Variants in DCDC1 observed in about 807,000 individuals in gnomAD.
DCDC1 encodes doublecortin domain-containing protein 1.
Under a neutral mutation model 178.3 loss-of-function variants are expected in DCDC1, and 200 were observed. The observed-to-expected ratio is 1.12, with a 90% CI of 1.00 to 1.26. DCDC1 has a LOEUF of 1.26. DCDC1 is among the 50% of genes most tolerant of loss of function. The pLI, the probability that DCDC1 is intolerant of heterozygous loss-of-function variation, is 0.00. For missense variants in DCDC1, 1,983 were observed against 1,749.2 expected, an observed-to-expected ratio of 1.13 and a Z score of -2.38; for synonymous variants, 690 against 604.8, an observed-to-expected ratio of 1.14 and a Z score of -2.07.
At chr11:31,123,806 C>G (rs1295323308) in intron 11 of DCDC1, among the ~76,000 whole-genome samples, 1 of 151,946 alleles carries the variant, frequency 6.6e-6, no homozygotes, top group Non-Finnish European at 1.5e-5. Flanking sequence ...CCAGGGTGAC[C>G]AACCATCTTG....
intron 20 of DCDC1, among the ~76,000 whole-genome samples, chr11:31,011,737 C>T (rs182631878): frequency 6.6e-5 from 10 of 152,298 alleles, no homozygotes; most frequent in African/African-American, 2.2e-4. Flanking sequence ...GAAACTCTTA[C>T]ACTCACACAC....
chr11:31,352,280 G>A (rs1055176918), intron 1 of DCDC1, among the ~76,000 whole-genome samples: 2 of 152,034 alleles, frequency 1.3e-5, no homozygotes, highest in Non-Finnish European at 2.9e-5. Context: ...AAAACAATGA[G>A]AAACATCCTT....
In DCDC1 at chr11:31,267,193, AT is replaced by A. The variant is rs397848314; in HGVS notation, c.961-1594del. Among the ~76,000 whole-genome samples the A allele has an allele frequency of 7.3e-3, 1,076 of 147,424 alleles. 12 individuals are homozygous for A. The highest frequency in any genetic ancestry group is 0.023 in the African/African-American group (905 of 40,102). ...CATTATTAGGAATAATGTTATAGGA[AT>A]TTTTTTTTTTTTTGAGATGTAGTGT... On this transcript the variant is annotated intron_variant, in intron 7 of 38. Transcript: ENST00000684477.
chr11:30,894,908 C>G (rs932590790), intron 34 of DCDC1, among the ~76,000 whole-genome samples: 3 of 152,002 alleles, frequency 2.0e-5, no homozygotes, highest in African/African-American at 2.4e-5. Context: ...TCTGCTGTGC[C>G]CTTTATGCTG....
chr11:30,951,550 A>C (rs1022525660), intron 21 of DCDC1, among the ~76,000 whole-genome samples: 1 of 152,130 alleles, frequency 6.6e-6, no homozygotes, highest in Non-Finnish European at 1.5e-5. Context: ...TATTGACTAC[A>C]CACAATGTGA....
Position 31,094,124 on chromosome 11 carries a change from T to G in DCDC1, c.2044A>C (p.Ser682Arg). The G allele has an allele frequency of 1.3e-6, 1 of 766,240 alleles. No homozygotes were observed. Among genetic ancestry groups the G allele is most frequent in the Non-Finnish European group, 2.4e-6 (1 of 417,806 alleles). 47.5% of individuals were successfully genotyped at this position (766,240 alleles called of 1,614,324 possible). The stretch of plus-strand genomic sequence containing the variant: ...ATTTGACTCCTGCTGCTTGCTTCAC[T>G]GCCTGAGAAACTCCACTTTCCAATG... ...VSIGKWSFSG[S>R]EASSRSQIAP... The change falls in exon 16 of 39, where the codon AGT becomes CGT. Residue 682 changes from serine (S) to arginine (R), a missense_variant. Transcript: ENST00000684477.
chr11:31,245,126 G>C (rs1388461726), intron 8 of DCDC1, among the ~76,000 whole-genome samples: 1 of 151,042 alleles, frequency 6.6e-6, no homozygotes, highest in Non-Finnish European at 1.5e-5. Context: ...TACCACCTCT[G>C]GCAAAATATC....
rs550364554 is a variant in DCDC1 at position 31,290,721 on chromosome 11, G to T, written c.886C>A (p.Arg296=). 1 of 1,613,298 alleles carries T rather than the reference G, an allele frequency of 6.2e-7. No homozygotes were observed. The highest frequency in any genetic ancestry group is 8.5e-7 in the Non-Finnish European group (1 of 1,179,536). ...ATGCCATTCTTAAAGAACAGAATTC[G>T]GACTGAGGTCCTCTCAGTAAGTTTC... ...MKKLTERTSV[R]ILFFKNGMGQ... Residue 296 remains arginine, a synonymous_variant, in exon 7 of 39, where the codon CGA becomes AGA. Transcript: ENST00000684477.
At chr11:30,890,243 T>C (rs998769949) in intron 36 of DCDC1, among the ~76,000 whole-genome samples, 8 of 152,218 alleles carry the variant, frequency 5.3e-5, no homozygotes, top group Non-Finnish European at 1.2e-4. Flanking sequence ...CTAATACATA[T>C]GTATATGGGG....
intron 9 of DCDC1, among the ~76,000 whole-genome samples, chr11:31,162,499 A>C (rs1438431773): frequency 6.6e-6 from 1 of 152,100 alleles, no homozygotes; most frequent in East Asian, 1.9e-4. Flanking sequence ...TTTCACCTAC[A>C]ATTATTTTAT....
chr11:30,930,774 G>T (rs1946873703), intron 22 of DCDC1, among the ~76,000 whole-genome samples: 1 of 152,074 alleles, frequency 6.6e-6, no homozygotes, highest in Non-Finnish European at 1.5e-5. Context: ...TTAACTTTGG[G>T]TGTTACTTTT....
intron 9 of DCDC1, among the ~76,000 whole-genome samples, chr11:31,170,918 T>C (rs535575663): frequency 6.6e-6 from 1 of 152,210 alleles, no homozygotes; most frequent in Non-Finnish European, 1.5e-5. Context: ...CAACCTTGCC[T>C]CCCGGGTTCA....
At chr11:30,890,533 T>A (rs1943678153) in intron 36 of DCDC1, among the ~76,000 whole-genome samples, 1 of 152,204 alleles carries the variant, frequency 6.6e-6, no homozygotes, top group South Asian at 2.1e-4. Context: ...CCTTCACTGC[T>A]AATTTTACAT....
chr11:31,124,003 A>G (rs1961200165), intron 11 of DCDC1, among the ~76,000 whole-genome samples: 1 of 152,068 alleles, frequency 6.6e-6, no homozygotes, highest in Non-Finnish European at 1.5e-5. Flanking sequence ...GCATATGTAA[A>G]TTTCCTCTTT....
At position 31,357,567 on chromosome 11, in the gene DCDC1, A is replaced by G. The variant is rs534390477; in HGVS notation, c.-125+12130T>C. Among the ~76,000 whole-genome samples the G allele has an allele frequency of 4.6e-5, 7 of 152,296 alleles. No homozygotes were observed. In the South Asian group the frequency reaches 1.5e-3, roughly 32 times the overall value. On this transcript the variant is annotated intron_variant, in intron 1 of 38. Transcript: ENST00000684477. The stretch of plus-strand genomic sequence containing the variant: ...CTCTCTCACCACTCCTATTCAACAT[A>G]GTGTTGGAAGTTCTGGCCAGGGCAA...
At chr11:31,317,850 A>C (rs903152418) in intron 3 of DCDC1, among the ~76,000 whole-genome samples, 1 of 50,676 alleles carries the variant, frequency 2.0e-5, no homozygotes, top group African/African-American at 2.0e-4. Context: ...TAATTTATTG[A>C]GAGTTTTTAG....
intron 23 of DCDC1, among the ~76,000 whole-genome samples, chr11:30,924,191 C>G (rs1047839994): frequency 2.0e-5 from 3 of 152,158 alleles, no homozygotes; most frequent in Admixed American, 2.0e-4. Flanking sequence ...AAAAAACCCA[C>G]AGTGAATAGC....
chr11:31,324,533 A>C (rs181893837), intron 3 of DCDC1, among the ~76,000 whole-genome samples: 49 of 152,162 alleles, frequency 3.2e-4, no homozygotes, highest in African/African-American at 1.1e-3. Context: ...TGAAGGAAAA[A>C]ATCTGGAAAA....
chr11:31,243,041 G>C (rs778736573), intron 8 of DCDC1, among the ~76,000 whole-genome samples: 9 of 151,586 alleles, frequency 5.9e-5, no homozygotes, highest in Non-Finnish European at 1.3e-4. Flanking sequence ...ACTAATTCCT[G>C]AAATTCATCT....
Sources: allele counts gnomAD v4.1 joint callset (sites outside exome capture counted in the v4.1 genomes callset), GRCh38; gene constraint gnomAD v4.1.1; transcripts MANE v1.5; gene names NCBI Gene and HGNC (gene_info 2026-07-23, HGNC 2026-07-21).